Variants in SUGCT observed in about 807,000 individuals in gnomAD.
SUGCT encodes succinyl-CoA:glutarate-CoA transferase.
SUGCT carries 41 observed loss-of-function variants against 55.0 expected under a neutral mutation model. That is an observed-to-expected ratio of 0.74 (90% CI 0.58 to 0.97). The LOEUF is 0.97. SUGCT is among the 50% of genes least tolerant of loss of function. The pLI, the probability that SUGCT is intolerant of heterozygous loss-of-function variation, is 0.00. For synonymous variants in SUGCT, 187 were observed against 200.4 expected, an observed-to-expected ratio of 0.93 and a Z score of 0.56; for missense variants, 568 against 547.8, an observed-to-expected ratio of 1.04 and a Z score of -0.37.
intron 3 of SUGCT, among the ~76,000 whole-genome samples, chr7:40,186,149 CCTT>C (rs1405192081): frequency 7.1e-6 from 1 of 140,954 alleles, no homozygotes; most frequent in Admixed American, 6.9e-5. Context: ...CTCTCTCTCT[CCTT>C]CTTTTCCTTC....
chr7:40,273,618 A>G (rs1178860789), intron 7 of SUGCT, among the ~76,000 whole-genome samples: 1 of 152,214 alleles, frequency 6.6e-6, no homozygotes, highest in African/African-American at 2.4e-5. Flanking sequence ...AATCAGACTG[A>G]CATGAAGTGG....
intron 6 of SUGCT, among the ~76,000 whole-genome samples, chr7:40,195,708 CTTTTTTTTTT>C (rs928397687): frequency 5.8e-5 from 4 of 69,404 alleles, no homozygotes; most frequent in Non-Finnish European, 7.6e-5. Context: ...GAAAACAATT[CTTTTTTTTTT>C]TTTTTTTTTT....
intron 13 of SUGCT, among the ~76,000 whole-genome samples, chr7:40,813,598 A>G (rs947848292): frequency 2.6e-5 from 4 of 152,074 alleles, no homozygotes; most frequent in Non-Finnish European, 4.4e-5. Context: ...CTTTGAGCCT[A>G]TGGGTGTGTA....
intron 13 of SUGCT, among the ~76,000 whole-genome samples, chr7:40,857,526 A>G (rs1268671346): frequency 1.3e-5 from 2 of 152,174 alleles, no homozygotes; most frequent in Admixed American, 1.3e-4. Flanking sequence ...CTAAACTGGT[A>G]GCATAGTCTT....
intron 7 of SUGCT, among the ~76,000 whole-genome samples, chr7:40,248,904 ACACACG>A (rs1387718860): frequency 2.5e-3 from 317 of 128,002 alleles, no homozygotes; most frequent in African/African-American, 5.6e-3. Context: ...ACACACACAC[ACACACG>A]CACACACACA....
chr7:40,914,264 A>ATTTTTTTCTTT, the SUGCT span, among the ~76,000 whole-genome samples: 44,592 of 135,484 alleles, frequency 0.33, 7,480 homozygotes, highest in South Asian at 0.49. Context: ...TTATTTATTT[A>ATTTTTTTCTTT]TTTTTTTCTT....
intron 9 of SUGCT, among the ~76,000 whole-genome samples, chr7:40,443,733 C>T (rs1002936955): frequency 6.6e-6 from 1 of 152,138 alleles, no homozygotes; most frequent in Non-Finnish European, 1.5e-5. Context: ...TTAATTAGAT[C>T]CCATTTGTCA....
Position 40,439,086 on chromosome 7 carries a change from A to G in SUGCT, c.817-10201A>G, listed in dbSNP as rs1474030283. ...GGTGTATATATATATATATATATAT[A>G]TATATATATATATATATATATATAT... On this transcript the variant is annotated intron_variant, in intron 9 of 13. Coordinates refer to ENST00000335693, the MANE Select transcript of SUGCT (RefSeq NM_001193313.2). Among the ~76,000 whole-genome samples, 218 of 122,464 alleles carry G rather than the reference A, an allele frequency of 1.8e-3. 13 individuals are homozygous for G. The highest frequency in any genetic ancestry group is 7.7e-3 in the Middle Eastern group (2 of 260). The allele number at this position is 122,464 out of a possible 152,430, so 80.3% of individuals were successfully genotyped here. A position where few individuals can be genotyped will look rare whatever the true frequency, so the allele number is the denominator to read the frequency against.
intron 1 of SUGCT, among the ~76,000 whole-genome samples, chr7:40,170,018 A>G (rs1185124622): frequency 6.6e-6 from 1 of 152,144 alleles, no homozygotes; most frequent in Non-Finnish European, 1.5e-5. Context: ...CTTGTGTTAT[A>G]GTGGACATCA....
chr7:40,503,636 T>G (rs549312057), intron 12 of SUGCT, among the ~76,000 whole-genome samples: 6 of 152,270 alleles, frequency 3.9e-5, no homozygotes, highest in Admixed American at 1.3e-4. Context: ...TCTCTTAAGA[T>G]TATATCTATG....
At chr7:40,921,723 G>A in the SUGCT span, among the ~76,000 whole-genome samples, 6 of 152,268 alleles carry the variant, frequency 3.9e-5, no homozygotes, top group Admixed American at 3.3e-4. Context: ...CCCCGGGGGT[G>A]GTGGCTGTAA....
chr7:40,666,797 A>G (rs1007003814), intron 12 of SUGCT, among the ~76,000 whole-genome samples: 2 of 152,198 alleles, frequency 1.3e-5, no homozygotes, highest in Non-Finnish European at 2.9e-5. Flanking sequence ...GAAGAAGTGG[A>G]CACAACAGAT....
intron 12 of SUGCT, among the ~76,000 whole-genome samples, chr7:40,579,931 T>G (rs952301232): frequency 6.6e-6 from 1 of 152,202 alleles, no homozygotes; most frequent in Admixed American, 6.5e-5. Context: ...ATAATTCACC[T>G]ATCAGGTCAG....
At chr7:40,394,777 A>G (rs1162798571) in intron 9 of SUGCT, among the ~76,000 whole-genome samples, 1 of 152,218 alleles carries the variant, frequency 6.6e-6, no homozygotes, top group Non-Finnish European at 1.5e-5. Context: ...GAGGTGATGC[A>G]GTAATTTCTA....
intron 12 of SUGCT, among the ~76,000 whole-genome samples, chr7:40,503,212 A>G (rs992890934): frequency 2.0e-5 from 3 of 152,138 alleles, no homozygotes; most frequent in African/African-American, 7.2e-5. Context: ...ATATATGTAG[A>G]GACGTAGTCA....
At chr7:40,428,583 C>A (rs973195923) in intron 9 of SUGCT, among the ~76,000 whole-genome samples, 1 of 150,652 alleles carries the variant, frequency 6.6e-6, no homozygotes, top group Non-Finnish European at 1.5e-5. Flanking sequence ...TAAAACATAG[C>A]AATACATTTT....
At chr7:40,895,956 A>G in the SUGCT span, among the ~76,000 whole-genome samples, 1 of 152,260 alleles carries the variant, frequency 6.6e-6, no homozygotes, top group Non-Finnish European at 1.5e-5. Flanking sequence ...ATAGCTGTCT[A>G]CTCTTGTCTC....
chr7:40,530,462 G>T (rs139707172), intron 12 of SUGCT, among the ~76,000 whole-genome samples: 1 of 152,178 alleles, frequency 6.6e-6, no homozygotes, highest in Non-Finnish European at 1.5e-5. Context: ...ACTGAAACTT[G>T]AGAAGAGCAT....
intron 9 of SUGCT, among the ~76,000 whole-genome samples, chr7:40,388,418 TTTA>T (rs2151296033): frequency 6.6e-6 from 1 of 152,288 alleles, no homozygotes; most frequent in Admixed American, 6.5e-5. Flanking sequence ...AGAGCATTTA[TTTA>T]TTTATTTATT....
Sources: allele counts gnomAD v4.1 joint callset (sites outside exome capture counted in the v4.1 genomes callset), GRCh38; gene constraint gnomAD v4.1.1; transcripts MANE v1.5; gene names NCBI Gene and HGNC (gene_info 2026-07-23, HGNC 2026-07-21).